NTM: variants seen among roughly 807,000 people sequenced by gnomAD.
The protein encoded by NTM is IgLON family member 2.
In NTM, 13 loss-of-function variants were observed where a neutral mutation model predicts 42.1. The ratio of observed to expected loss-of-function variants is 0.31; its 90% CI spans 0.20 to 0.49. NTM has a LOEUF of 0.49. Among genes scored for constraint, NTM ranks in the 20% least tolerant of loss-of-function variants. NTM has a pLI of 0.99. For missense variants in NTM, 373 were observed against 452.8 expected (o/e 0.82, Z 1.60); for synonymous variants, 187 against 179.2 (o/e 1.04, Z -0.35).
intron 4 of NTM, among the ~76,000 whole-genome samples, chr11:132,277,999 TCAAA>T (rs1245268939): frequency 6.6e-6 from 1 of 152,200 alleles, no homozygotes; most frequent in Non-Finnish European, 1.5e-5. Context: ...TAACGAATCA[TCAAA>T]CAGTCTTTGA....
intron 2 of NTM, among the ~76,000 whole-genome samples, chr11:132,000,739 G>T (rs2069056367): frequency 6.6e-6 from 1 of 152,052 alleles, no homozygotes; most frequent in Middle Eastern, 3.2e-3. Flanking sequence ...CTGGTACCAG[G>T]GGACATGGAG....
intron 6 of NTM, chr11:132,312,572 AGTGCTGCTGGCCCCCT>A (rs2095311543): frequency 6.5e-6 from 1 of 154,912 alleles, no homozygotes; most frequent in Non-Finnish European, 1.5e-5. Flanking sequence ...AAGCCTGCAA[AGTGCTGCTGGCCCCCT>A]GTGCTGTTTT....
intron 3 of NTM, among the ~76,000 whole-genome samples, chr11:132,181,356 C>A (rs2077551902): frequency 6.6e-6 from 1 of 152,230 alleles, no homozygotes; most frequent in South Asian, 2.1e-4. Context: ...ATGATTTAGG[C>A]AGTCATCCTG....
intron 1 of NTM, among the ~76,000 whole-genome samples, chr11:131,607,622 G>T (rs2061085621): frequency 6.6e-6 from 1 of 152,140 alleles, no homozygotes; most frequent in Non-Finnish European, 1.5e-5. Context: ...TGCCTGTAAT[G>T]AACACTAGTT....
chr11:132,021,376 G>A (rs1355061904), intron 2 of NTM, among the ~76,000 whole-genome samples: 13 of 152,136 alleles, frequency 8.5e-5, no homozygotes, highest in Admixed American at 5.2e-4. Flanking sequence ...CAACATCTGG[G>A]GACAATCAGA....
intron 2 of NTM, among the ~76,000 whole-genome samples, chr11:132,081,038 A>G (rs77682192): frequency 0.13 from 19,059 of 152,242 alleles, 1,288 homozygotes; most frequent in South Asian, 0.18. Context: ...TAAGATAAGT[A>G]TATAAAAGAA....
intron 4 of NTM, among the ~76,000 whole-genome samples, chr11:132,300,945 G>A (rs1017290127): frequency 6.6e-6 from 1 of 152,106 alleles, no homozygotes; most frequent in Non-Finnish European, 1.5e-5. Flanking sequence ...GGACTGCACT[G>A]ATTCCTCAAG....
intron 2 of NTM, among the ~76,000 whole-genome samples, chr11:131,965,736 T>C (rs1039603054): frequency 6.6e-6 from 1 of 152,112 alleles, no homozygotes; most frequent in African/African-American, 2.4e-5. Flanking sequence ...AAGGCAAACA[T>C]TGGAGTGATT....
chr11:131,929,714 G>C (rs79383487), intron 2 of NTM, among the ~76,000 whole-genome samples: 2,001 of 152,068 alleles, frequency 0.013, 38 homozygotes, highest in African/African-American at 0.043. Context: ...AAAGTAAGAC[G>C]CCACTTCCAA....
chr11:132,328,946 T>C (rs1273348159), intron 7 of NTM, among the ~76,000 whole-genome samples: 1 of 152,130 alleles, frequency 6.6e-6, no homozygotes, highest in Non-Finnish European at 1.5e-5. Context: ...CATCAGATAT[T>C]TTCTCAATCA....
At chr11:131,912,502 C>T (rs2055373633) in intron 2 of NTM, among the ~76,000 whole-genome samples, 1 of 152,176 alleles carries the variant, frequency 6.6e-6, no homozygotes, top group South Asian at 2.1e-4. Context: ...GAAACGCTAA[C>T]TGAATTTCCA....
rs558353858 is a variant in NTM at position 132,204,654 on chromosome 11, A to C, written c.401-7368A>C. ...AAGAGGACAGGTGGCCAGCAGGGTG[A>C]GGAAGGGAGAATGCTGTGGGAAGAG... On this transcript the variant is annotated intron_variant, in intron 3 of 8. Transcript: ENST00000683400. 1.1e-4 allele frequency among the ~76,000 whole-genome samples: 16 copies of C among 152,306 alleles called. 1 individual carries two copies. The highest frequency in any genetic ancestry group is 1.0e-3 in the South Asian group (5 of 4,820).
chr11:132,321,579 A>C (rs1351925181), intron 7 of NTM, among the ~76,000 whole-genome samples: 2 of 152,248 alleles, frequency 1.3e-5, no homozygotes, highest in African/African-American at 4.8e-5. Context: ...GATGGGAAGA[A>C]TGGAACCAAG....
intron 1 of NTM, among the ~76,000 whole-genome samples, chr11:131,375,534 A>G (rs1941849517): frequency 6.6e-6 from 1 of 152,076 alleles, no homozygotes; most frequent in Non-Finnish European, 1.5e-5. Flanking sequence ...CTTATCAGAG[A>G]GTGCACTGGG....
intron 1 of NTM, among the ~76,000 whole-genome samples, chr11:131,806,719 G>A (rs954935972): frequency 1.3e-5 from 2 of 152,014 alleles, no homozygotes; most frequent in African/African-American, 2.4e-5. Flanking sequence ...ACATCTCACC[G>A]TATCGGTCAT....
chr11:132,314,056 G>C (rs904260395), intron 6 of NTM, among the ~76,000 whole-genome samples: 1 of 152,100 alleles, frequency 6.6e-6, no homozygotes, highest in African/African-American at 2.4e-5. Flanking sequence ...CAATGCTTCT[G>C]GTGCTTCAGG....
At chr11:131,609,586 G>T (rs781350283) in intron 1 of NTM, among the ~76,000 whole-genome samples, 3 of 152,210 alleles carry the variant, frequency 2.0e-5, no homozygotes, top group Non-Finnish European at 4.4e-5. Flanking sequence ...TCTTGATGGG[G>T]CAAGGCATTG....
chr11:131,460,163 C>T (rs911503944), intron 1 of NTM, among the ~76,000 whole-genome samples: 2 of 152,092 alleles, frequency 1.3e-5, no homozygotes, highest in Non-Finnish European at 2.9e-5. Context: ...TCATAGACAG[C>T]GTAATGCCCT....
chr11:131,639,236 A>G (rs1470238407), intron 1 of NTM, among the ~76,000 whole-genome samples: 1 of 152,230 alleles, frequency 6.6e-6, no homozygotes, highest in Non-Finnish European at 1.5e-5. Context: ...AATTGTAGAC[A>G]TACCATTTGG....
Sources: gnomAD v4.1 joint callset for allele counts (sites outside exome capture counted in the v4.1 genomes callset) on GRCh38, gnomAD v4.1.1 for gene constraint, MANE v1.5 for transcripts, NCBI Gene and HGNC (gene_info 2026-07-23, HGNC 2026-07-21) for gene names.